ZFHX3: variants seen among roughly 807,000 people sequenced by gnomAD.
ZFHX3 encodes zinc finger homeobox 3.
A neutral mutation model predicts 279.1 loss-of-function variants in ZFHX3; 42 were observed. That is an observed-to-expected ratio of 0.15 (90% CI 0.12 to 0.19). The LOEUF (loss-of-function observed/expected upper bound fraction) is 0.19. Among genes scored for constraint, ZFHX3 ranks in the 10% least tolerant of loss-of-function variants. The pLI is 1.00. For synonymous variants in ZFHX3, 2,293 were observed against 1,957.8 expected (o/e 1.17, Z -4.52); for missense variants, 4,981 against 4,754.0 (o/e 1.05, Z -1.40).
chr16:73,489,092 A>G (rs1387006903), intron 2 of ZFHX3, among the ~76,000 whole-genome samples: 1 of 152,218 alleles, frequency 6.6e-6, no homozygotes, highest in Non-Finnish European at 1.5e-5. Context: ...CATTTGGATT[A>G]TCAAGAAAAA....
chr16:73,418,852 G>A (rs573857701), intron 3 of ZFHX3, among the ~76,000 whole-genome samples: 21 of 152,298 alleles, frequency 1.4e-4, no homozygotes, highest in Admixed American at 3.9e-4. Context: ...TCTTCCAATG[G>A]ATACTTTTTC....
intron 1 of ZFHX3, among the ~76,000 whole-genome samples, chr16:73,721,428 T>A (rs902148718): frequency 6.6e-6 from 1 of 152,196 alleles, no homozygotes; most frequent in African/African-American, 2.4e-5. Flanking sequence ...TCTTCCTCCA[T>A]ATTTTCTTAC....
intron 2 of ZFHX3, among the ~76,000 whole-genome samples, chr16:73,637,388 T>A (rs929906519): frequency 6.6e-6 from 1 of 151,934 alleles, no homozygotes; most frequent in African/African-American, 2.4e-5. Context: ...GCTGCCACCA[T>A]GCCCAGCTAA....
At chr16:73,179,232 T>A (rs1230264323) in intron 5 of ZFHX3, among the ~76,000 whole-genome samples, 1 of 152,232 alleles carries the variant, frequency 6.6e-6, no homozygotes, top group Non-Finnish European at 1.5e-5. Context: ...TTCAGTCAAC[T>A]GTTTACTTCA....
intron 1 of ZFHX3, among the ~76,000 whole-genome samples, chr16:73,883,675 G>A (rs975678019): frequency 1.3e-4 from 19 of 151,886 alleles, no homozygotes; most frequent in Non-Finnish European, 1.6e-4. Context: ...CCAGCTACTA[G>A]ATGATTCCTT....
chr16:73,635,667 A>C (rs2052521435), intron 2 of ZFHX3, among the ~76,000 whole-genome samples: 1 of 151,944 alleles, frequency 6.6e-6, no homozygotes, highest in African/African-American at 2.4e-5. Flanking sequence ...TCTTGATTTC[A>C]TTAACCTCTC....
intron 4 of ZFHX3, among the ~76,000 whole-genome samples, chr16:72,859,816 C>T (rs1410169899): frequency 2.0e-5 from 3 of 152,084 alleles, no homozygotes; most frequent in African/African-American, 7.2e-5. Context: ...CTTAAGAACA[C>T]AATTGGGCCA....
chr16:72,844,358 G>T (rs2037423620), intron 4 of ZFHX3, among the ~76,000 whole-genome samples: 1 of 152,118 alleles, frequency 6.6e-6, no homozygotes, highest in Admixed American at 6.5e-5. Flanking sequence ...TGGCTCTCCA[G>T]CATTCAGCTC....
At chr16:73,334,794 C>CCTTTT (rs1396348782) in intron 3 of ZFHX3, among the ~76,000 whole-genome samples, 1 of 108,540 alleles carries the variant, frequency 9.2e-6, no homozygotes, top group African/African-American at 3.3e-5. Context: ...CTCTTTTCCT[C>CCTTTT]CTTTTCTTTC....
intron 2 of ZFHX3, among the ~76,000 whole-genome samples, chr16:73,669,918 A>T (rs1339372810): frequency 1.3e-5 from 2 of 152,170 alleles, no homozygotes; most frequent in Non-Finnish European, 2.9e-5. Flanking sequence ...GTTGTACTTG[A>T]CTGTGTCCCT....
chr16:73,411,103 T>C (rs369052634), intron 3 of ZFHX3, among the ~76,000 whole-genome samples: 16 of 152,308 alleles, frequency 1.1e-4, no homozygotes, highest in African/African-American at 3.6e-4. Context: ...ACAGCTTTCA[T>C]GCTGCTGGAA....
chr16:72,886,978 G>T (rs75318466), intron 4 of ZFHX3, among the ~76,000 whole-genome samples: 8 of 152,274 alleles, frequency 5.3e-5, no homozygotes, highest in Admixed American at 5.2e-4. Flanking sequence ...CACATGGAAG[G>T]GACAGTCTTG....
chr16:73,725,427 T>C (rs1284845654), intron 1 of ZFHX3, among the ~76,000 whole-genome samples: 1 of 152,078 alleles, frequency 6.6e-6, no homozygotes, highest in Non-Finnish European at 1.5e-5. Flanking sequence ...CAGGAGATGA[T>C]AAGCTTGGAG....
At chr16:73,648,614 G>A (rs899744522) in intron 2 of ZFHX3, among the ~76,000 whole-genome samples, 5 of 152,052 alleles carry the variant, frequency 3.3e-5, no homozygotes, top group Admixed American at 2.6e-4. Flanking sequence ...ATTTCACCAC[G>A]TTGGCCAGGC....
At chr16:73,487,587 T>C (rs1245185680) in intron 2 of ZFHX3, 1 of 318,142 alleles carries the variant, frequency 3.1e-6, no homozygotes, top group Non-Finnish European at 6.2e-6. Context: ...TTTATTATTT[T>C]GTAGACACGG....
At chr16:73,566,746 G>A (rs1277121069) in intron 2 of ZFHX3, among the ~76,000 whole-genome samples, 1 of 149,516 alleles carries the variant, frequency 6.7e-6, no homozygotes, top group East Asian at 2.0e-4. Flanking sequence ...CCAGGCTGGA[G>A]CGCAATGGGT....
chr16:73,587,057 G>T (rs2051934617), intron 2 of ZFHX3, among the ~76,000 whole-genome samples: 1 of 152,140 alleles, frequency 6.6e-6, no homozygotes, highest in Non-Finnish European at 1.5e-5. Flanking sequence ...CATCAATTTT[G>T]GAGACGGCTC....
intron 1 of ZFHX3, among the ~76,000 whole-genome samples, chr16:73,796,921 G>C (rs1177637709): frequency 6.6e-6 from 1 of 152,186 alleles, no homozygotes; most frequent in Non-Finnish European, 1.5e-5. Context: ...AAAAGTGAAG[G>C]CTGAGTGCAG....
chr16:73,276,447 G>A (rs2014305232), intron 4 of ZFHX3, among the ~76,000 whole-genome samples: 1 of 152,078 alleles, frequency 6.6e-6, no homozygotes, highest in Admixed American at 6.5e-5. Flanking sequence ...GCCTCTCAAA[G>A]TGCTGGGATT....
Sources: gnomAD v4.1 joint callset for allele counts (sites outside exome capture counted in the v4.1 genomes callset) on GRCh38, gnomAD v4.1.1 for gene constraint, MANE v1.5 for transcripts, NCBI Gene and HGNC (gene_info 2026-07-23, HGNC 2026-07-21) for gene names.